The following ELOC variants were observed in gnomAD, a reference collection of about 807,000 sequenced individuals.
ELOC encodes elongin-C.
For missense variants in ELOC, 38 were observed against 139.0 expected, an observed-to-expected ratio of 0.27 and a Z score of 3.65; for synonymous variants, 40 against 51.3, an observed-to-expected ratio of 0.78 and a Z score of 0.94.
intron 1 of ELOC, among the ~76,000 whole-genome samples, chr8:73,965,036 C>CAAAAAAAAAA (rs61081733): frequency 3.7e-5 from 3 of 81,414 alleles, no homozygotes; most frequent in East Asian, 3.8e-4. Context: ...AAAAACAAAC[C>CAAAAAAAAAA]AAAAAAAAAA....
chr8:73,963,253 A>G (rs1003540822), intron 1 of ELOC, among the ~76,000 whole-genome samples: 5 of 152,202 alleles, frequency 3.3e-5, no homozygotes, highest in Non-Finnish European at 5.9e-5. Flanking sequence ...GTATCAGTGA[A>G]TATTTATAAG....
chr8:73,967,557 T>A (rs1815079498), intron 1 of ELOC, among the ~76,000 whole-genome samples: 1 of 148,710 alleles, frequency 6.7e-6, no homozygotes, highest in South Asian at 2.2e-4. Flanking sequence ...AACCTCCACC[T>A]CCCAGGTTCA....
chr8:73,948,187 C>T (rs542241148), intron 3 of ELOC, among the ~76,000 whole-genome samples: 264 of 133,682 alleles, frequency 2.0e-3, no homozygotes, highest in African/African-American at 5.3e-3. Flanking sequence ...AACGAAACTC[C>T]GTCTCAAAAA....
intron 1 of ELOC, among the ~76,000 whole-genome samples, chr8:73,967,124 A>AT (rs1175963746): frequency 1.3e-5 from 2 of 152,182 alleles, no homozygotes; most frequent in Non-Finnish European, 2.9e-5. Flanking sequence ...CCATTATTCT[A>AT]TTTTTGAACC....
chr8:73,959,875 C>T, intron 1 of ELOC, 57 bp from the exon 2 acceptor site: 3 of 939,422 alleles, frequency 3.2e-6, no homozygotes, highest in Non-Finnish European at 4.6e-6. Context: ...AGTTTTCATT[C>T]ACTGTTATTT....
At chr8:73,954,786 CTTTGGGAGGCTGAG>C (rs1323856308) in intron 3 of ELOC, among the ~76,000 whole-genome samples, 9 of 151,542 alleles carry the variant, frequency 5.9e-5, no homozygotes, top group Non-Finnish European at 1.3e-4. Flanking sequence ...AATCCCTGCA[CTTTGGGAGGCTGAG>C]GCGGGTGCAC....
chr8:73,961,815 A>G (rs967647186), intron 1 of ELOC, among the ~76,000 whole-genome samples: 3 of 152,114 alleles, frequency 2.0e-5, no homozygotes, highest in African/African-American at 4.8e-5. Context: ...GAAAATAGGC[A>G]GCACTAACAA....
chr8:73,956,880 G>A (rs1307846739), intron 2 of ELOC, among the ~76,000 whole-genome samples: 1 of 152,100 alleles, frequency 6.6e-6, no homozygotes, highest in African/African-American at 2.4e-5. Flanking sequence ...TGGGGGCGGT[G>A]GCTCACATCC....
In ELOC at chr8:73,970,000, C is replaced by A. The variant is rs117359595; in HGVS notation, c.-51+2077G>T. Reference sequence around the variant, plus strand: ...GAAATGCATTAACACATAAATATGACCATAGCTGGCCAGATTTGGTGGTTC... The same window carrying A: ...GAAATGCATTAACACATAAATATGAACATAGCTGGCCAGATTTGGTGGTTC... On this transcript the variant is annotated intron_variant, in intron 1 of 3. Coordinates refer to ENST00000520242, the MANE Select transcript of ELOC (RefSeq NM_005648.4). Among the ~76,000 whole-genome samples the A allele has an allele frequency of 1.5e-3, 229 of 152,282 alleles. 4 individuals are homozygous for A. The East Asian group carries it at 0.041, about 27-fold the overall frequency.
intron 2 of ELOC, 75 bp downstream of exon 2, chr8:73,959,690 C>A: frequency 7.5e-7 from 1 of 1,334,084 alleles, no homozygotes. Flanking sequence ...CTTGTGTTCA[C>A]TGAATTTTAA....
chr8:73,963,547 A>G (rs747041904), intron 1 of ELOC, among the ~76,000 whole-genome samples: 30 of 152,220 alleles, frequency 2.0e-4, no homozygotes, highest in Non-Finnish European at 3.8e-4. Flanking sequence ...CAGAACTCAT[A>G]TAAGTTTTAA....
In ELOC at chr8:73,946,850, T is replaced by C. The variant is rs115676628; in HGVS notation, c.149-30A>G. On this transcript the variant is annotated intron_variant, in intron 3 of 3. Coordinates refer to ENST00000520242, the MANE Select transcript of ELOC (RefSeq NM_005648.4). ...AAAACAAAAGAATTATGTATGTTATTGGCTGAATTGTGTCCTCCAAATTCA... is the reference window on the plus strand; with the variant it reads ...AAAACAAAAGAATTATGTATGTTATCGGCTGAATTGTGTCCTCCAAATTCA... 4.9e-3 allele frequency: 7,751 copies of C among 1,581,698 alleles called. 89 individuals are homozygous for C. The highest frequency in any genetic ancestry group is 0.041 in the African/African-American group (3,074 of 74,292).
chr8:73,955,803 G>T, intron 3 of ELOC, 108 bp downstream of exon 3: 1 of 1,229,852 alleles, frequency 8.1e-7, no homozygotes, highest in Non-Finnish European at 1.2e-6. Context: ...ATACAACAAT[G>T]TTAGAAGACT....
intron 2 of ELOC, 75 bp downstream of exon 2, chr8:73,959,690 C>T (rs1002281944): frequency 1.5e-6 from 2 of 1,333,970 alleles, no homozygotes; most frequent in Admixed American, 2.5e-5. Context: ...CTTGTGTTCA[C>T]TGAATTTTAA....
At position 73,945,600 on chromosome 8, in the gene ELOC, G is replaced by A. The variant is rs187623763; in HGVS notation, c.*1030C>T. ...TTTTTGGCTGCTTAATAGAAAAGCT[G>A]AATGAGCTTGATTTCAGTAGAAGAC... On this transcript the variant is annotated 3_prime_UTR_variant, in exon 4 of 4. Transcript: ENST00000520242. 1 of 152,290 alleles carries A rather than the reference G, an allele frequency of 6.6e-6. No individual in the cohort carries two copies. The highest frequency in any genetic ancestry group is 1.9e-4 in the East Asian group (1 of 5,190). The allele number at this position is 152,290 out of a possible 1,614,324, so 9.4% of individuals were successfully genotyped here.
At position 73,946,927 on chromosome 8, in the gene ELOC, T is replaced by C. The variant is rs115279454; in HGVS notation, c.149-107A>G. On this transcript the variant is annotated intron_variant, in intron 3 of 3. Coordinates refer to ENST00000520242, the MANE Select transcript of ELOC (RefSeq NM_005648.4). ...CACAGAATGTGGCTGTATTTAGAGA[T>C]AAGTTCTTTAAAGAGGTAATTAAAA... 2.3e-5 allele frequency: 20 copies of C among 882,954 alleles called. 1 individual carries two copies. The African/African-American group carries it at 2.5e-4, about 11-fold the overall frequency. The allele number at this position is 882,954 out of a possible 1,614,324, so 54.7% of individuals were successfully genotyped here. A position where few individuals can be genotyped will look rare whatever the true frequency, so the allele number is the denominator to read the frequency against.
chr8:73,965,755 T>TA (rs1814933124), intron 1 of ELOC, among the ~76,000 whole-genome samples: 3 of 152,326 alleles, frequency 2.0e-5, no homozygotes, highest in Admixed American at 2.0e-4. Flanking sequence ...ACTCCAAAGA[T>TA]ATCATCACTC....
At chr8:73,955,228 C>A (rs936516392) in intron 3 of ELOC, among the ~76,000 whole-genome samples, 13 of 152,032 alleles carry the variant, frequency 8.6e-5, no homozygotes, top group African/African-American at 2.9e-4. Context: ...CCGCACTTTG[C>A]GAAGCTGAGG....
chr8:73,952,108 T>C (rs978305646), intron 3 of ELOC, among the ~76,000 whole-genome samples: 1 of 152,184 alleles, frequency 6.6e-6, no homozygotes, highest in African/African-American at 2.4e-5. Context: ...CAGATTCTTA[T>C]ATATGACACA....
Sources: gnomAD v4.1 joint callset for allele counts (sites outside exome capture counted in the v4.1 genomes callset) on GRCh38, gnomAD v4.1.1 for gene constraint, MANE v1.5 for transcripts, NCBI Gene and HGNC (gene_info 2026-07-23, HGNC 2026-07-21) for gene names.